The following DLGAP2 variants were observed in gnomAD, a reference collection of about 807,000 sequenced individuals.
DLGAP2 encodes the protein disks large-associated protein 2.
In DLGAP2, 26 loss-of-function variants were observed where a neutral mutation model predicts 100.3. That is an observed-to-expected ratio of 0.26 (90% CI 0.19 to 0.36). The LOEUF (loss-of-function observed/expected upper bound fraction) is 0.36, where lower values mean the gene tolerates loss of function less well. Among genes scored for constraint, DLGAP2 ranks in the 10% least tolerant of loss-of-function variants. DLGAP2 has a pLI of 1.00. For synonymous variants in DLGAP2, 886 were observed against 630.1 expected (o/e 1.41, Z -6.08); for missense variants, 1,858 against 1,453.2 (o/e 1.28, Z -4.53).
rs117433287 is a variant in DLGAP2, at chr8:1,425,226, G to A, written c.107-76140G>A. 2.4e-3 allele frequency among the ~76,000 whole-genome samples: 368 copies of A among 152,146 alleles called. 1 individual carries two copies. The highest frequency in any genetic ancestry group is 4.3e-3 in the Non-Finnish European group (294 of 67,984). On this transcript the variant is annotated intron_variant, in intron 3 of 14. Coordinates refer to ENST00000637795, the MANE Select transcript of DLGAP2 (RefSeq NM_001346810.2). ...CATTATGAATTCAATCTTTTAACTCGTTTCAATGATAGTGAAAATATCTGT... is the reference window on the plus strand; with the variant it reads ...CATTATGAATTCAATCTTTTAACTCATTTCAATGATAGTGAAAATATCTGT...
At position 829,185 on chromosome 8, in the gene DLGAP2, A is replaced by G. The variant is rs763455983; in HGVS notation, c.19-78727A>G. On this transcript the variant is annotated intron_variant, in intron 1 of 14. Transcript: ENST00000637795. ...TGAGATAACTGACATTGCCTGTTACATTGGTAAGGAATCCAGTTTCTAATG... is the reference window on the plus strand; with the variant it reads ...TGAGATAACTGACATTGCCTGTTACGTTGGTAAGGAATCCAGTTTCTAATG... 5.9e-5 allele frequency among the ~76,000 whole-genome samples: 9 copies of G among 152,332 alleles called. No individual in the cohort carries two copies. The South Asian group carries it at 1.4e-3, about 25-fold the overall frequency.
At chr8:921,035 C>G (rs1022547433) in intron 2 of DLGAP2, among the ~76,000 whole-genome samples, 2 of 152,168 alleles carry the variant, frequency 1.3e-5, no homozygotes, top group Non-Finnish European at 2.9e-5. Flanking sequence ...ACAGGTTTAC[C>G]TAAGTGTACA....
intron 1 of DLGAP2, among the ~76,000 whole-genome samples, chr8:740,648 C>T (rs1433004131): frequency 6.6e-6 from 1 of 152,134 alleles, no homozygotes; most frequent in Non-Finnish European, 1.5e-5. Context: ...CTAAAGTGCT[C>T]TAATATCTTT....
chr8:1,283,868 C>T (rs1799870686), intron 3 of DLGAP2, among the ~76,000 whole-genome samples: 1 of 152,220 alleles, frequency 6.6e-6, no homozygotes, highest in Non-Finnish European at 1.5e-5. Flanking sequence ...TCGTGGGATA[C>T]AATCACACAT....
rs538049949 is a variant in DLGAP2, at chr8:1,683,024, G to A, written c.2704+4395G>A. ...CCATAGATATTTATTGATTACTTAC[G>A]ACGAAGCAAGCCACTCTCCGATAGA... On this transcript the variant is annotated intron_variant, in intron 12 of 14. Coordinates refer to ENST00000637795, the MANE Select transcript of DLGAP2 (RefSeq NM_001346810.2). Among the ~76,000 whole-genome samples, 64 of 151,268 alleles carry A rather than the reference G, an allele frequency of 4.2e-4. 3 individuals are homozygous for A. The highest frequency in any genetic ancestry group is 7.7e-4 in the East Asian group (4 of 5,174).
chr8:1,074,954 C>G (rs1172354968), intron 2 of DLGAP2, among the ~76,000 whole-genome samples: 1 of 149,700 alleles, frequency 6.7e-6, no homozygotes, highest in Non-Finnish European at 1.5e-5. Flanking sequence ...CACATCTCAC[C>G]AACAAACAGT....
intron 2 of DLGAP2, among the ~76,000 whole-genome samples, chr8:1,238,455 G>T (rs1365995828): frequency 7.6e-6 from 1 of 131,976 alleles, no homozygotes; most frequent in African/African-American, 2.8e-5. Context: ...ATGGCGCCGT[G>T]TCTAGTTCTC....
chr8:1,044,874 C>A (rs1178588814), intron 2 of DLGAP2, among the ~76,000 whole-genome samples: 1 of 152,212 alleles, frequency 6.6e-6, no homozygotes, highest in Admixed American at 6.5e-5. Flanking sequence ...AATAATTCTT[C>A]CCTCTTGTTC....
At position 1,254,964 on chromosome 8, in the gene DLGAP2, T is replaced by TGCCCAGGTGCTGTGTGTGTGCC. The variant is rs1226678806; in HGVS notation, c.74-3887_74-3886insGCCCAGGTGCTGTGTGTGTGCC. On this transcript the variant is annotated intron_variant, in intron 2 of 14. Coordinates refer to ENST00000637795, the MANE Select transcript of DLGAP2 (RefSeq NM_001346810.2). ...CTGCCCGGGTGCTGTGTGTGTGTCC[T>TGCCCAGGTGCTGTGTGTGTGCC]CTCATCCTGTCCGGGTGCTGTGTGT... 8.0e-3 allele frequency among the ~76,000 whole-genome samples: 1,148 copies of TGCCCAGGTGCTGTGTGTGTGCC among 143,994 alleles called. 19 individuals carry two copies. Among genetic ancestry groups the TGCCCAGGTGCTGTGTGTGTGCC allele is most frequent in the African/African-American group, 0.03 (1,057 of 35,684 alleles). The allele number at this position is 143,994 out of a possible 152,430, so 94.5% of individuals were successfully genotyped here. A position where few individuals can be genotyped will look rare whatever the true frequency, so the allele number is the denominator to read the frequency against.
chr8:1,074,197 C>G (rs1327123574), intron 2 of DLGAP2, among the ~76,000 whole-genome samples: 1 of 149,422 alleles, frequency 6.7e-6, no homozygotes, highest in East Asian at 1.9e-4. Flanking sequence ...GGGTTTGCAG[C>G]AGACTGAAGC....
At chr8:957,754 C>T (rs2129009200) in intron 2 of DLGAP2, among the ~76,000 whole-genome samples, 1 of 152,052 alleles carries the variant, frequency 6.6e-6, no homozygotes, top group South Asian at 2.1e-4. Context: ...TATTTTATTC[C>T]AGCAGAAATG....
chr8:1,412,207 G>A (rs1416207910), intron 3 of DLGAP2, among the ~76,000 whole-genome samples: 1 of 152,122 alleles, frequency 6.6e-6, no homozygotes, highest in African/African-American at 2.4e-5. Context: ...CCCAGCACTG[G>A]GACTTTTATG....
intron 8 of DLGAP2, 145 bp from the exon 9 acceptor site, chr8:1,668,184 C>A: frequency 1.5e-6 from 1 of 669,004 alleles, no homozygotes; most frequent in Non-Finnish European, 2.5e-6. Flanking sequence ...TCTCACTGTC[C>A]CCTCATTTCA....
At chr8:1,317,902 C>T (rs1800800710) in intron 3 of DLGAP2, among the ~76,000 whole-genome samples, 1 of 130,932 alleles carries the variant, frequency 7.6e-6, no homozygotes, top group South Asian at 2.6e-4. Flanking sequence ...GTCTCTCCAA[C>T]AGTGGTCTAC....
intron 4 of DLGAP2, among the ~76,000 whole-genome samples, chr8:1,548,160 A>G (rs1251497470): frequency 1.3e-5 from 2 of 152,026 alleles, no homozygotes; most frequent in African/African-American, 4.8e-5. Flanking sequence ...ACACTTTGCG[A>G]TATAAAAACA....
chr8:1,238,290 T>G (rs1455480577), intron 2 of DLGAP2, among the ~76,000 whole-genome samples: 30 of 17,326 alleles, frequency 1.7e-3, no homozygotes, highest in East Asian at 2.4e-3. Context: ...CTCTCACATG[T>G]TGCCGTGTCT....
chr8:1,083,655 G>C (rs1350559968), intron 2 of DLGAP2, among the ~76,000 whole-genome samples: 1 of 152,132 alleles, frequency 6.6e-6, no homozygotes, highest in African/African-American at 2.4e-5. Flanking sequence ...GCTGAGCTGG[G>C]GCAATTAGGT....
chr8:1,286,082 G>A (rs1799915677), intron 3 of DLGAP2, among the ~76,000 whole-genome samples: 1 of 152,234 alleles, frequency 6.6e-6, no homozygotes, highest in South Asian at 2.1e-4. Context: ...TAATCGCTGT[G>A]TGTCAAGGGC....
At chr8:1,126,948 C>T (rs184566480) in intron 2 of DLGAP2, among the ~76,000 whole-genome samples, 2 of 151,368 alleles carry the variant, frequency 1.3e-5, no homozygotes, top group Admixed American at 1.3e-4. Flanking sequence ...GAGGGACCCC[C>T]AACCTTGTCC....
Sources: gnomAD v4.1 joint callset for allele counts (sites outside exome capture counted in the v4.1 genomes callset) on GRCh38, gnomAD v4.1.1 for gene constraint, MANE v1.5 for transcripts, NCBI Gene and HGNC (gene_info 2026-07-23, HGNC 2026-07-21) for gene names.